Variants in KIAA1328 observed in about 807,000 individuals in gnomAD.
KIAA1328 encodes protein hinderin.
KIAA1328 carries 52 observed loss-of-function variants against 68.1 expected under a neutral mutation model. That is an observed-to-expected ratio of 0.76 (90% CI 0.61 to 0.96). The LOEUF is 0.96. Ranked by LOEUF, KIAA1328 falls within the 40% of genes least tolerant of loss-of-function variation. KIAA1328 has a pLI of 0.00. For synonymous variants in KIAA1328, 232 were observed against 239.4 expected, an observed-to-expected ratio of 0.97 and a Z score of 0.28; for missense variants, 641 against 677.6, an observed-to-expected ratio of 0.95 and a Z score of 0.60.
intron 4 of KIAA1328, among the ~76,000 whole-genome samples, chr18:36,870,231 G>A (rs568094306): frequency 6.6e-6 from 1 of 152,172 alleles, no homozygotes; most frequent in East Asian, 1.9e-4. Context: ...CCTTTGCTCT[G>A]TGATCTGATG....
intron 8 of KIAA1328, among the ~76,000 whole-genome samples, chr18:37,168,632 C>A (rs1326773872): frequency 6.6e-6 from 1 of 152,040 alleles, no homozygotes; most frequent in Non-Finnish European, 1.5e-5. Flanking sequence ...TTCTAAAGTT[C>A]AAAAGCAACA....
chr18:36,893,417 T>C lies in KIAA1328; in HGVS notation c.448+7745T>C, dbSNP rs912389108. 1.7e-4 allele frequency among the ~76,000 whole-genome samples: 26 copies of C among 150,942 alleles called. 1 individual carries two copies. The highest frequency in any genetic ancestry group is 1.5e-3 in the Admixed American group (23 of 15,080). ...GTAGTCACTGGAACCACAGGTGTGC[T>C]CCACCCCACCTGGCTATTTGTGTGT... is the stretch of plus-strand genomic sequence containing the variant. On this transcript the variant is annotated intron_variant, in intron 5 of 9. Coordinates refer to ENST00000280020, the MANE Select transcript of KIAA1328 (RefSeq NM_020776.3).
At chr18:37,098,838 G>C (rs985950653) in intron 7 of KIAA1328, among the ~76,000 whole-genome samples, 19 of 152,066 alleles carry the variant, frequency 1.2e-4, no homozygotes, top group African/African-American at 4.1e-4. Context: ...TCCATTTCTT[G>C]TAGATTTTCT....
At chr18:36,895,858 C>T (rs1486144685) in intron 5 of KIAA1328, 1 of 451,400 alleles carries the variant, frequency 2.2e-6, no homozygotes, top group Non-Finnish European at 4.5e-6. Context: ...CTCTCTGTCA[C>T]ACACCACACC....
intron 9 of KIAA1328, among the ~76,000 whole-genome samples, chr18:37,190,862 C>T (rs149807000): frequency 1.7e-3 from 259 of 152,284 alleles, no homozygotes; most frequent in Non-Finnish European, 3.1e-3. Flanking sequence ...CCTAGTGACA[C>T]CTCTTGTGTT....
At chr18:37,113,832 A>G (rs1042475361) in intron 7 of KIAA1328, among the ~76,000 whole-genome samples, 6 of 152,192 alleles carry the variant, frequency 3.9e-5, no homozygotes, top group Non-Finnish European at 5.9e-5. Flanking sequence ...AGCAAATGGA[A>G]AACAAAAAAA....
intron 5 of KIAA1328, among the ~76,000 whole-genome samples, chr18:36,889,317 A>C (rs184549304): frequency 5.9e-5 from 9 of 152,330 alleles, no homozygotes; most frequent in African/African-American, 2.2e-4. Context: ...GTACAATAAC[A>C]ATAATTCTGA....
intron 5 of KIAA1328, among the ~76,000 whole-genome samples, chr18:36,899,677 G>C (rs1261898491): frequency 6.6e-6 from 1 of 151,878 alleles, no homozygotes; most frequent in East Asian, 1.9e-4. Context: ...AATGTTTTCT[G>C]TTTTCCTGAC....
chr18:37,220,819 TTTGGTTGGTTGG>T (rs943172594), intron 9 of KIAA1328, among the ~76,000 whole-genome samples: 3 of 152,120 alleles, frequency 2.0e-5, no homozygotes, highest in Non-Finnish European at 4.4e-5. Context: ...TTTTTGTTTG[TTTGGTTGGTTGG>T]TTGGTTGGTT....
chr18:37,110,944 A>G (rs930562189), intron 7 of KIAA1328, among the ~76,000 whole-genome samples: 1 of 152,140 alleles, frequency 6.6e-6, no homozygotes, highest in Non-Finnish European at 1.5e-5. Context: ...AGTGAAGAGG[A>G]TTGATTTCTG....
intron 5 of KIAA1328, chr18:36,886,518 G>GTC (rs1176495648): frequency 1.3e-5 from 2 of 151,710 alleles, no homozygotes; most frequent in African/African-American, 4.8e-5. Context: ...GTGTGTGTGT[G>GTC]TTTGTGTGTG....
intron 7 of KIAA1328, among the ~76,000 whole-genome samples, chr18:37,082,096 C>T (rs929115291): frequency 2.0e-5 from 3 of 151,370 alleles, no homozygotes; most frequent in Non-Finnish European, 4.4e-5. Context: ...CATAATCTCA[C>T]GCTTTTTATA....
In KIAA1328 at chr18:36,844,267, A is replaced by G. The variant is rs2046953678; in HGVS notation, c.297A>G (p.Lys99=). ...ASLKDLCLED[K]RRIANLIKEL... ...TGAAGGATTTATGTCTTGAAGACAAAAGACGCATTGCAAACTTAATTAAAG... is the reference window on the plus strand; with the variant it reads ...TGAAGGATTTATGTCTTGAAGACAAGAGACGCATTGCAAACTTAATTAAAG... The change falls in exon 4 of 10, where the codon AAA becomes AAG. Residue 99 remains lysine, a synonymous_variant. Coordinates refer to ENST00000280020, the MANE Select transcript of KIAA1328 (RefSeq NM_020776.3). 6.2e-7 allele frequency: 1 copy of G among 1,607,194 alleles called. No homozygotes were observed. Among genetic ancestry groups the G allele is most frequent in the Non-Finnish European group, 8.5e-7 (1 of 1,176,626 alleles).
intron 7 of KIAA1328, among the ~76,000 whole-genome samples, chr18:37,147,169 G>C (rs575974644): frequency 2.0e-5 from 3 of 152,166 alleles, no homozygotes; most frequent in Non-Finnish European, 4.4e-5. Context: ...CATCAGAATT[G>C]TGGGCCAAAT....
intron 6 of KIAA1328, among the ~76,000 whole-genome samples, chr18:36,980,712 TA>T (rs1292637452): frequency 6.6e-6 from 1 of 152,262 alleles, no homozygotes; most frequent in East Asian, 1.9e-4. Flanking sequence ...TCCCATGTGT[TA>T]TGGGAGGTAC....
intron 4 of KIAA1328, among the ~76,000 whole-genome samples, chr18:36,877,434 C>T (rs957930709): frequency 1.3e-5 from 2 of 151,014 alleles, no homozygotes; most frequent in Admixed American, 6.6e-5. Context: ...TGCCGTTCTT[C>T]GTCTTTTTTG....
At chr18:37,099,464 T>C (rs2057528022) in intron 7 of KIAA1328, among the ~76,000 whole-genome samples, 1 of 152,218 alleles carries the variant, frequency 6.6e-6, no homozygotes, top group Non-Finnish European at 1.5e-5. Flanking sequence ...TTCTGATCTT[T>C]TACATTTGCT....
intron 6 of KIAA1328, chr18:37,063,546 G>A: frequency 1.6e-6 from 1 of 633,436 alleles, no homozygotes; most frequent in South Asian, 7.0e-5. Context: ...AAGGAAAGAA[G>A]ATAATAAAAG....
chr18:36,856,347 A>G (rs2047382661), intron 4 of KIAA1328, among the ~76,000 whole-genome samples: 1 of 152,064 alleles, frequency 6.6e-6, no homozygotes, highest in African/African-American at 2.4e-5. Context: ...CCACAGGTCC[A>G]TTAAACTCTC....
Sources: gnomAD v4.1 joint callset for allele counts (sites outside exome capture counted in the v4.1 genomes callset) on GRCh38, gnomAD v4.1.1 for gene constraint, MANE v1.5 for transcripts, NCBI Gene and HGNC (gene_info 2026-07-23, HGNC 2026-07-21) for gene names.